Variants in STAC2 observed in about 807,000 individuals in gnomAD.
STAC2 encodes SH3 and cysteine-rich domain-containing protein 2.
Under a neutral mutation model 49.0 loss-of-function variants are expected in STAC2, and 36 were observed. The observed-to-expected ratio is 0.74, with a 90% CI of 0.56 to 0.97. The LOEUF (loss-of-function observed/expected upper bound fraction) is 0.97, where lower values mean the gene tolerates loss of function less well. STAC2 is among the 50% of genes least tolerant of loss of function. The pLI is 0.00. For missense variants in STAC2, 527 were observed against 543.8 expected (o/e 0.97, Z 0.31); for synonymous variants, 239 against 214.7 (o/e 1.11, Z -0.99).
In STAC2 at chr17:39,217,168, A is replaced by C. The variant is rs772605716; in HGVS notation, c.403T>G (p.Ser135Ala). ...ATCTTACATCGCAAGCCCTGTTTGG[A>C]GTTTCCTAGGAAGAATTTGGGTTCA... ...ELCHQLIVGNSKQGLRCKMCK... is the reference protein window; with the variant it reads ...ELCHQLIVGNAKQGLRCKMCK... The change falls in exon 3 of 11, where the codon TCC (serine) becomes GCC (alanine). Residue 135 changes from serine to alanine, a missense_variant. Transcript: ENST00000333461. 19 of 1,613,108 alleles carry C rather than the reference A, an allele frequency of 1.2e-5. No individual in the cohort carries two copies. Among genetic ancestry groups the C allele is most frequent in the Middle Eastern group, 1.6e-4 (1 of 6,082 alleles).
intron 1 of STAC2, among the ~76,000 whole-genome samples, chr17:39,218,941 T>C (rs894787356): frequency 2.0e-5 from 3 of 152,018 alleles, no homozygotes; most frequent in Non-Finnish European, 2.9e-5. Flanking sequence ...TCCTTGGGAC[T>C]GATTCTCCCC....
In STAC2 at chr17:39,218,100, C is replaced by G. The variant is rs545207979; in HGVS notation, c.164G>C (p.Arg55Pro). Residue 55 changes from arginine to proline, a missense_variant, in exon 2 of 11, where the codon CGC becomes CCC. Coordinates refer to ENST00000333461, the MANE Select transcript of STAC2 (RefSeq NM_198993.5). The part of the protein sequence containing the change: ...RSKSLENFFL[R>P]SGSELKCPTE... Reference sequence around the variant, plus strand: ...GGGGCACTTGAGCTCAGAGCCCGAGCGAAGGAAGAAGTTCTCCAAGCTCTT... The same window carrying G: ...GGGGCACTTGAGCTCAGAGCCCGAGGGAAGGAAGAAGTTCTCCAAGCTCTT... The G allele has an allele frequency of 1.9e-6, 3 of 1,612,996 alleles. No individual in the cohort carries two copies. Among genetic ancestry groups the G allele is most frequent in the Non-Finnish European group, 1.7e-6 (2 of 1,180,026 alleles).
intron 4 of STAC2, among the ~76,000 whole-genome samples, chr17:39,216,009 C>G (rs1397544299): frequency 6.6e-6 from 1 of 152,078 alleles, no homozygotes; most frequent in Non-Finnish European, 1.5e-5. Context: ...CTTTCTTTAA[C>G]TCCCTGTCCT....
chr17:39,216,903 A>G lies in STAC2; in HGVS notation c.496-3T>C, dbSNP rs1284530327. The stretch of plus-strand genomic sequence containing the variant: ...AAGTTGCGGCGGAAGGAGGTGGACT[A>G]TGGCAAGAGAGGGCAGAGAGGTTTT... On this transcript the variant is annotated splice_polypyrimidine_tract_variant and splice_region_variant and intron_variant, in intron 3 of 10. Coordinates refer to ENST00000333461, the MANE Select transcript of STAC2 (RefSeq NM_198993.5). The G allele has an allele frequency of 1.9e-6, 3 of 1,598,358 alleles. No individual in the cohort carries two copies. The highest frequency in any genetic ancestry group is 1.8e-5 in the Admixed American group (1 of 57,080).
At chr17:39,222,850 C>T (rs1030736662) in intron 1 of STAC2, among the ~76,000 whole-genome samples, 3 of 152,172 alleles carry the variant, frequency 2.0e-5, no homozygotes, top group African/African-American at 4.8e-5. Context: ...CTTATTTCCT[C>T]AATTCCCCAC....
intron 4 of STAC2, 97 bp from the exon 5 acceptor site, chr17:39,215,327 C>G (rs2046392953): frequency 1.7e-6 from 2 of 1,204,322 alleles, no homozygotes; most frequent in Non-Finnish European, 2.4e-6. Context: ...CCAGCTGCCC[C>G]CTCACCTGTC....
chr17:39,221,519 T>A (rs1258885983), intron 1 of STAC2, among the ~76,000 whole-genome samples: 1 of 152,218 alleles, frequency 6.6e-6, no homozygotes, highest in Non-Finnish European at 1.5e-5. Flanking sequence ...ATATGCAGCA[T>A]CTCATTAATC....
At chr17:39,222,863 C>A (rs1388578977) in intron 1 of STAC2, among the ~76,000 whole-genome samples, 1 of 152,186 alleles carries the variant, frequency 6.6e-6, no homozygotes, top group East Asian at 1.9e-4. Flanking sequence ...TTCCCCACGG[C>A]GTCTCCTGAA....
At chr17:39,224,062 G>C (rs996956956) in intron 1 of STAC2, among the ~76,000 whole-genome samples, 1 of 152,036 alleles carries the variant, frequency 6.6e-6, no homozygotes, top group Non-Finnish European at 1.5e-5. Context: ...TGCAGGATGG[G>C]GGCTCCCTGG....
intron 10 of STAC2, 72 bp downstream of exon 10, chr17:39,212,923 G>A (rs749777953): frequency 2.7e-5 from 42 of 1,581,856 alleles, no homozygotes; most frequent in African/African-American, 4.0e-5. Flanking sequence ...ATTTACCCCC[G>A]CACCGCAGCC....
rs1223085330 is a variant in STAC2, at chr17:39,211,235, C to T, written c.*1057G>A. On this transcript the variant is annotated 3_prime_UTR_variant, in exon 11 of 11. Coordinates refer to ENST00000333461, the MANE Select transcript of STAC2 (RefSeq NM_198993.5). ...ACCAAGCACGGGCCAGGATTTTGTT[C>T]TCAGTTGGGTTTCCGTGTGTCCAGG... The T allele has an allele frequency of 1.3e-5, 2 of 152,046 alleles. No individual in the cohort carries two copies. The highest frequency in any genetic ancestry group is 4.8e-5 in the African/African-American group (2 of 41,266). 9.4% of individuals were successfully genotyped at this position (152,046 alleles called of 1,614,324 possible). A position where few individuals can be genotyped will look rare whatever the true frequency, so the allele number is the denominator to read the frequency against.
intron 1 of STAC2, among the ~76,000 whole-genome samples, chr17:39,219,066 C>T (rs950604165): frequency 3.9e-5 from 6 of 152,178 alleles, no homozygotes; most frequent in Admixed American, 2.6e-4. Flanking sequence ...CCTCCAGCCC[C>T]CTGCTTCCAC....
intron 10 of STAC2, among the ~76,000 whole-genome samples, chr17:39,212,687 G>A (rs2144227218): frequency 1.3e-5 from 2 of 152,204 alleles, no homozygotes; most frequent in East Asian, 3.8e-4. Flanking sequence ...AAAAGGACTT[G>A]CCTCAAATTA....
intron 7 of STAC2, 53 bp from the exon 8 acceptor site, chr17:39,214,383 C>A (rs1052322466): frequency 2.3e-5 from 37 of 1,609,590 alleles, no homozygotes; most frequent in East Asian, 1.8e-4. Flanking sequence ...TCACTCCCCC[C>A]ACTCTCCACT....
intron 1 of STAC2, among the ~76,000 whole-genome samples, chr17:39,220,389 G>A (rs951723437): frequency 3.9e-5 from 6 of 152,140 alleles, no homozygotes; most frequent in African/African-American, 7.2e-5. Flanking sequence ...TGGGGCTGGG[G>A]GCAAAACTAA....
rs1423498568 is a variant in STAC2 at position 39,212,341 on chromosome 17, C to T, written c.1187G>A (p.Ser396Asn). Residue 396 changes from serine (S) to asparagine (N), a missense_variant, in exon 11 of 11, where the codon AGT (serine) becomes AAT (asparagine). Coordinates refer to ENST00000333461, the MANE Select transcript of STAC2 (RefSeq NM_198993.5). The part of the protein sequence containing the change: ...KDADGFIRVS[S>N]GKKRGLVPVD... ...TGGCACCAGGCCCCGCTTCTTGCCA[C>T]TGCTGACGCGGATGAAGCCGTCAGC... The T allele has an allele frequency of 1.2e-6, 2 of 1,612,398 alleles. No individual in the cohort carries two copies. The highest frequency in any genetic ancestry group is 2.7e-5 in the African/African-American group (2 of 74,914).
In STAC2 at chr17:39,213,102, G is replaced by A. The variant is rs1207307065; in HGVS notation, c.1024C>T (p.Pro342Ser). Reference protein sequence around the residue: ...GKIGDRVGFFPANFVQRVRPG... With the variant: ...GKIGDRVGFFSANFVQRVRPG... Reference sequence around the variant, plus strand: ...CTCACCCGTTGCACAAAATTAGCTGGGAAGAAGCCAACCCGGTCGCCGATC... The same window carrying A: ...CTCACCCGTTGCACAAAATTAGCTGAGAAGAAGCCAACCCGGTCGCCGATC... Residue 342 changes from proline to serine, a missense_variant, in exon 10 of 11, where the codon CCA (proline) becomes TCA (serine). By Grantham distance (74) the Pro-to-Ser change is moderately conservative. Transcript: ENST00000333461. The A allele has an allele frequency of 2.5e-6, 4 of 1,611,746 alleles. No individual in the cohort carries two copies. The highest frequency in any genetic ancestry group is 1.7e-5 in the Admixed American group (1 of 60,008).
At chr17:39,216,943 C>A (rs1433948902) in intron 3 of STAC2, 43 bp from the exon 4 acceptor site, 3 of 1,581,610 alleles carry the variant, frequency 1.9e-6, no homozygotes, top group Non-Finnish European at 2.6e-6. Flanking sequence ...AGGTCATGGC[C>A]TATGGAGAAC....
At position 39,213,117 on chromosome 17, in the gene STAC2, G is replaced by A. The variant is rs781726383; in HGVS notation, c.1009C>T (p.Arg337Trp). 9.3e-6 allele frequency: 15 copies of A among 1,609,188 alleles called. No homozygotes were observed. In the East Asian group the frequency reaches 1.3e-4, roughly 14 times the overall value. Reference protein sequence around the residue: ...EDWWKGKIGDRVGFFPANFVQ... With the variant: ...EDWWKGKIGDWVGFFPANFVQ... ...AAATTAGCTGGGAAGAAGCCAACCC[G>A]GTCGCCGATCTTGCCCTGGGGATGA... Residue 337 changes from arginine to tryptophan, a missense_variant, in exon 10 of 11, where the codon CGG becomes TGG. Coordinates refer to ENST00000333461, the MANE Select transcript of STAC2 (RefSeq NM_198993.5).
Sources: gnomAD v4.1 joint callset for allele counts (sites outside exome capture counted in the v4.1 genomes callset) on GRCh38, gnomAD v4.1.1 for gene constraint, MANE v1.5 for transcripts, NCBI Gene and HGNC (gene_info 2026-07-23, HGNC 2026-07-21) for gene names.